DDX10: variants seen among roughly 807,000 people sequenced by gnomAD.
DDX10 encodes the protein probable ATP-dependent RNA helicase DDX10.
A neutral mutation model predicts 104.3 loss-of-function variants in DDX10; 74 were observed. The observed-to-expected ratio is 0.71, with a 90% confidence interval of 0.59 to 0.86. The LOEUF (loss-of-function observed/expected upper bound fraction) is 0.86, where lower values mean the gene tolerates loss of function less well. DDX10 is among the 40% of genes least tolerant of loss of function. The probability of loss-of-function intolerance (pLI) is 0.00; values close to 1 mark genes in which losing one functional copy is unlikely to be tolerated. For missense variants in DDX10, 952 were observed against 1,040.0 expected (o/e 0.92, Z 1.16); for synonymous variants, 351 against 353.4 (o/e 0.99, Z 0.08).
chr11:108,905,048 G>T (rs1863571524), intron 16 of DDX10, among the ~76,000 whole-genome samples: 1 of 152,068 alleles, frequency 6.6e-6, no homozygotes, highest in Non-Finnish European at 1.5e-5. Flanking sequence ...GTAGTAACTG[G>T]GAGTTGCGGG....
At chr11:108,753,113 A>G (rs868510578) in intron 13 of DDX10, among the ~76,000 whole-genome samples, 3 of 151,744 alleles carry the variant, frequency 2.0e-5, no homozygotes, top group Non-Finnish European at 4.4e-5. Flanking sequence ...GGAGAACTCT[A>G]TAATGCATAA....
At chr11:108,687,486 T>A (rs1267646384) in intron 6 of DDX10, among the ~76,000 whole-genome samples, 1 of 151,966 alleles carries the variant, frequency 6.6e-6, no homozygotes, top group African/African-American at 2.4e-5. Context: ...ACTTTTGTAT[T>A]TTTTTGTAGA....
chr11:108,710,982 C>G (rs2094283606), intron 10 of DDX10, among the ~76,000 whole-genome samples: 1 of 152,182 alleles, frequency 6.6e-6, no homozygotes, highest in South Asian at 2.1e-4. Flanking sequence ...TGAGGCAGAT[C>G]TTGAACTCCT....
At chr11:108,677,333 C>A in intron 4 of DDX10, 90 bp downstream of exon 4, 1 of 1,196,214 alleles carries the variant, frequency 8.4e-7, no homozygotes, top group Non-Finnish European at 1.2e-6. Flanking sequence ...GAGACTTCAT[C>A]TAAACAGACT....
chr11:108,902,472 A>G (rs537576200), intron 16 of DDX10, among the ~76,000 whole-genome samples: 1 of 152,180 alleles, frequency 6.6e-6, no homozygotes, highest in African/African-American at 2.4e-5. Context: ...TCTATAAACT[A>G]TGTCATTGAG....
intron 16 of DDX10, among the ~76,000 whole-genome samples, chr11:108,874,863 C>T (rs1863131039): frequency 6.6e-6 from 1 of 152,126 alleles, no homozygotes; most frequent in African/African-American, 2.4e-5. Flanking sequence ...ATTACTTCAG[C>T]TGAGTTCCTT....
chr11:108,837,898 C>T (rs1263608856), intron 13 of DDX10, among the ~76,000 whole-genome samples: 1 of 152,068 alleles, frequency 6.6e-6, no homozygotes, highest in African/African-American at 2.4e-5. Context: ...GTTGGGATTA[C>T]AGGCGTGAGC....
intron 12 of DDX10, among the ~76,000 whole-genome samples, chr11:108,722,313 G>C (rs547526743): frequency 1.2e-4 from 19 of 152,200 alleles, no homozygotes; most frequent in African/African-American, 3.6e-4. Flanking sequence ...ATTTCCCTTC[G>C]ATCATTGAGA....
rs139811459 is a variant in DDX10, at chr11:108,884,174, C to G, written c.2304+31965C>G. On this transcript the variant is annotated intron_variant, in intron 16 of 17. Transcript: ENST00000322536. ...TCTATTAGGCATTTCAAATTTATCA[C>G]AACTAGACAAATTTTTTATTTACAT... Among the ~76,000 whole-genome samples the G allele has an allele frequency of 5.3e-5, 8 of 152,292 alleles. No individual in the cohort carries two copies. The East Asian group carries it at 1.5e-3, about 29-fold the overall frequency.
At position 108,894,197 on chromosome 11, in the gene DDX10, G is replaced by A. The variant is rs373679321; in HGVS notation, c.2305-23676G>A. ...AGAATAATACACTTTGCATGTTTTA[G>A]CAGTGGAGATAGTAGATTGGCACTT... On this transcript the variant is annotated intron_variant, in intron 16 of 17. Transcript: ENST00000322536. Among the ~76,000 whole-genome samples the A allele has an allele frequency of 2.0e-5, 3 of 152,004 alleles. No homozygotes were observed. In the South Asian group the frequency reaches 6.2e-4, roughly 31 times the overall value.
chr11:108,931,152 G>A (rs926704105), intron 17 of DDX10, among the ~76,000 whole-genome samples: 1 of 152,070 alleles, frequency 6.6e-6, no homozygotes, highest in Non-Finnish European at 1.5e-5. Context: ...TCAGGGGGTC[G>A]GGGGACATCT....
chr11:108,770,362 G>A (rs1248678322), intron 13 of DDX10, among the ~76,000 whole-genome samples: 1 of 151,834 alleles, frequency 6.6e-6, no homozygotes. Context: ...ACCCTATTAT[G>A]CTATCAAATA....
At chr11:108,911,305 G>A (rs1284522254) in intron 16 of DDX10, among the ~76,000 whole-genome samples, 1 of 152,156 alleles carries the variant, frequency 6.6e-6, no homozygotes, top group African/African-American at 2.4e-5. Context: ...TAGATTGGGG[G>A]TAATTTATAA....
intron 9 of DDX10, 81 bp downstream of exon 9, chr11:108,693,681 A>C: frequency 8.8e-7 from 1 of 1,132,612 alleles, no homozygotes; most frequent in Admixed American, 1.7e-5. Context: ...ATAAACGAAG[A>C]AAGGAATCAG....
chr11:108,782,357 A>G (rs1861717563), intron 13 of DDX10, among the ~76,000 whole-genome samples: 1 of 152,170 alleles, frequency 6.6e-6, no homozygotes, highest in Admixed American at 6.6e-5. Context: ...ATCTCTGGGT[A>G]TGGTTAGAAT....
At chr11:108,673,944 A>C (rs1008387170) in intron 2 of DDX10, among the ~76,000 whole-genome samples, 13 of 152,204 alleles carry the variant, frequency 8.5e-5, no homozygotes, top group Non-Finnish European at 1.8e-4. Flanking sequence ...CTCTTAAGGC[A>C]AAATAAGGGA....
chr11:108,861,915 A>G (rs1257539697), intron 16 of DDX10, among the ~76,000 whole-genome samples: 3 of 152,174 alleles, frequency 2.0e-5, no homozygotes, highest in Non-Finnish European at 4.4e-5. Context: ...AGTCCCAGCT[A>G]CTTGGGAAGG....
intron 13 of DDX10, among the ~76,000 whole-genome samples, chr11:108,745,037 T>TCCTCCCC (rs2094329633): frequency 1.8e-5 from 1 of 54,906 alleles, no homozygotes; most frequent in Non-Finnish European, 3.4e-5. Context: ...AATTACTTTT[T>TCCTCCCC]CCTTCCCCCT....
At position 108,918,015 on chromosome 11, in the gene DDX10, T is replaced by C; in HGVS notation, c.2447T>C (p.Ile816Thr). ...GATAGTGAAGATATGGAAAATAAAA[T>C]AAGGTATGTTTTTACTATGGGTATG... ...DSDSEDMENK[I>T]SDTKKKQGMK... Residue 816 changes from isoleucine (I) to threonine (T), a missense_variant, in exon 17 of 18, where the codon ATA becomes ACA. Physicochemically the swap from Ile to Thr is moderately conservative, Grantham distance 89. This residue lies in a region of DDX10 where 533 missense variants were observed against 534.1 expected (regional missense o/e 1.00). Transcript: ENST00000322536. 6.2e-7 allele frequency: 1 copy of C among 1,613,422 alleles called. No homozygotes were observed. The highest frequency in any genetic ancestry group is 1.1e-5 in the South Asian group (1 of 91,072).
Sources: gnomAD v4.1 joint callset for allele counts (sites outside exome capture counted in the v4.1 genomes callset) on GRCh38, gnomAD v4.1.1 for gene constraint, gnomAD v4.1.1 regional missense constraint, MANE v1.5 for transcripts, NCBI Gene and HGNC (gene_info 2026-07-23, HGNC 2026-07-21) for gene names.